METTL15: variants seen among roughly 807,000 people sequenced by gnomAD.
The protein encoded by METTL15 is 12S rRNA N(4)-cytidine methyltransferase METTL15.
In METTL15, 34 loss-of-function variants were observed where a neutral mutation model predicts 38.3. The observed-to-expected ratio is 0.89, with a 90% CI of 0.68 to 1.18. The LOEUF is 1.18. Among genes scored for constraint, METTL15 ranks in the 50% most tolerant of loss-of-function variants. The pLI is 0.00. For synonymous variants in METTL15, 162 were observed against 170.9 expected (o/e 0.95, Z 0.41); for missense variants, 438 against 498.4 (o/e 0.88, Z 1.15).
intron 3 of METTL15, among the ~76,000 whole-genome samples, chr11:28,209,131 T>A (rs1852509064): frequency 6.6e-6 from 1 of 151,992 alleles, no homozygotes; most frequent in African/African-American, 2.4e-5. Flanking sequence ...ATCACTCACA[T>A]TTTTCAGAAT....
rs140145160 is a variant in METTL15, at chr11:28,199,200, A to G, written c.271-11862A>G. Among the ~76,000 whole-genome samples the G allele has an allele frequency of 7.8e-4, 118 of 152,192 alleles. 2 individuals carry two copies. In the East Asian group the frequency reaches 0.021, roughly 27 times the overall value. On this transcript the variant is annotated intron_variant, in intron 3 of 6. Coordinates refer to ENST00000407364, the MANE Select transcript of METTL15 (RefSeq NM_001113528.2). The stretch of plus-strand genomic sequence containing the variant: ...ATTTTTTTGTTTTTTACATGAATCA[A>G]TGTTTTTGATTAGGATGATCTTTTA...
chr11:28,378,572 A>G (rs1250997838), intron 5 of METTL15, among the ~76,000 whole-genome samples: 1 of 152,102 alleles, frequency 6.6e-6, no homozygotes, highest in Admixed American at 6.6e-5. Flanking sequence ...CCCTAGTGAG[A>G]TGAACCGGGT....
At chr11:28,399,450 T>G (rs929308818) in intron 5 of METTL15, among the ~76,000 whole-genome samples, 6 of 152,108 alleles carry the variant, frequency 3.9e-5, no homozygotes, top group East Asian at 1.9e-4. Flanking sequence ...TGCAGAAAAC[T>G]TCTATATAAG....
intron 6 of METTL15, chr11:28,518,973 A>G (rs1179468251): frequency 6.6e-6 from 1 of 152,208 alleles, no homozygotes; most frequent in East Asian, 1.9e-4. Flanking sequence ...GTGTGTATGC[A>G]TATTTGTTTG....
At chr11:28,193,250 T>C (rs1851766234) in intron 3 of METTL15, among the ~76,000 whole-genome samples, 2 of 152,052 alleles carry the variant, frequency 1.3e-5, no homozygotes, top group African/African-American at 4.8e-5. Flanking sequence ...TATCTGAGAT[T>C]GGGTAATTTA....
chr11:28,339,918 AGTAAGGGAGAAGTTGTCTG>A (rs1366104889), intron 3 of METTL15, among the ~76,000 whole-genome samples: 2 of 152,210 alleles, frequency 1.3e-5, no homozygotes, highest in Non-Finnish European at 2.9e-5. Flanking sequence ...ACAAAAAATC[AGTAAGGGAGAAGTTGTCTG>A]GTAAAAAGAA....
chr11:28,219,240 T>C (rs1480422849), intron 4 of METTL15, among the ~76,000 whole-genome samples: 5 of 152,178 alleles, frequency 3.3e-5, no homozygotes, highest in Admixed American at 1.3e-4. Context: ...TTTCAGAGCC[T>C]GTTATTGGTC....
chr11:28,379,162 C>G (rs1264422425), intron 5 of METTL15, among the ~76,000 whole-genome samples: 3 of 147,872 alleles, frequency 2.0e-5, no homozygotes, highest in Non-Finnish European at 4.5e-5. Flanking sequence ...AGAAAACCAC[C>G]TTTAATTTTA....
At chr11:28,178,877 A>G (rs1851176663) in intron 3 of METTL15, among the ~76,000 whole-genome samples, 2 of 151,806 alleles carry the variant, frequency 1.3e-5, no homozygotes, top group East Asian at 1.9e-4. Context: ...TTATGAACCA[A>G]TTTGGTGATT....
chr11:28,374,632 C>G (rs1280228418), intron 5 of METTL15, among the ~76,000 whole-genome samples: 3 of 144,974 alleles, frequency 2.1e-5, no homozygotes, highest in African/African-American at 5.0e-5. Flanking sequence ...TTGACTTCCT[C>G]TTTTCCTAAT....
intron 5 of METTL15, among the ~76,000 whole-genome samples, chr11:28,390,922 T>C (rs1327572591): frequency 3.9e-5 from 6 of 152,194 alleles, no homozygotes; most frequent in Middle Eastern, 3.2e-3. Flanking sequence ...TGGTTTGTAG[T>C]TCCCCTTGAA....
intron 5 of METTL15, among the ~76,000 whole-genome samples, chr11:28,373,109 G>C (rs1163028135): frequency 1.3e-5 from 2 of 152,134 alleles, no homozygotes; most frequent in Non-Finnish European, 2.9e-5. Flanking sequence ...ATAGCAGCAT[G>C]ATTTATAGTC....
intron 3 of METTL15, among the ~76,000 whole-genome samples, chr11:28,146,274 G>A (rs1398347843): frequency 1.3e-5 from 2 of 151,906 alleles, no homozygotes; most frequent in Non-Finnish European, 2.9e-5. Context: ...GCATCCTGGC[G>A]AGTGCTTGGA....
At chr11:28,518,610 T>C (rs1238262515) in intron 6 of METTL15, among the ~76,000 whole-genome samples, 1 of 152,232 alleles carries the variant, frequency 6.6e-6, no homozygotes, top group Non-Finnish European at 1.5e-5. Flanking sequence ...GTTAGCCATG[T>C]CATCCTCATA....
intron 3 of METTL15, among the ~76,000 whole-genome samples, chr11:28,135,037 C>T (rs1341335275): frequency 6.6e-6 from 1 of 152,140 alleles, no homozygotes; most frequent in African/African-American, 2.4e-5. Context: ...TTCTTCTGAG[C>T]TACAGCCAGT....
intron 6 of METTL15, among the ~76,000 whole-genome samples, chr11:28,513,623 G>A (rs765721050): frequency 8.5e-5 from 13 of 152,146 alleles, no homozygotes; most frequent in Non-Finnish European, 4.4e-5. Context: ...TGAGAGCCCC[G>A]AACAGAGATT....
intron 4 of METTL15, among the ~76,000 whole-genome samples, chr11:28,242,757 A>G (rs1854353749): frequency 6.6e-6 from 1 of 152,140 alleles, no homozygotes; most frequent in African/African-American, 2.4e-5. Flanking sequence ...ATTCTCCATG[A>G]ACCCTGGTGG....
chr11:28,392,949 T>A (rs1590358848), intron 5 of METTL15, among the ~76,000 whole-genome samples: 1 of 151,638 alleles, frequency 6.6e-6, no homozygotes, highest in South Asian at 2.1e-4. Flanking sequence ...AAAATAATGA[T>A]AAGATATCAC....
At chr11:28,410,682 A>C (rs1356798157) in intron 5 of METTL15, 1 of 152,134 alleles carries the variant, frequency 6.6e-6, no homozygotes, top group Non-Finnish European at 1.5e-5. Flanking sequence ...ACAGGGAAAA[A>C]TGGAAAGCTT....
Sources: gnomAD v4.1 joint callset for allele counts (sites outside exome capture counted in the v4.1 genomes callset) on GRCh38, gnomAD v4.1.1 for gene constraint, MANE v1.5 for transcripts, NCBI Gene and HGNC (gene_info 2026-07-23, HGNC 2026-07-21) for gene names.